MAEL: variants seen among roughly 807,000 people sequenced by gnomAD.
MAEL encodes the protein maelstrom spermatogenic transposon silencer.
MAEL carries 46 observed loss-of-function variants against 62.0 expected under a neutral mutation model. That is an observed-to-expected ratio of 0.74 (90% CI 0.59 to 0.95). MAEL has a LOEUF of 0.95. Among genes scored for constraint, MAEL ranks in the 40% least tolerant of loss-of-function variants. The pLI, the probability that MAEL is intolerant of heterozygous loss-of-function variation, is 0.00. For synonymous variants in MAEL, 172 were observed against 175.5 expected, an observed-to-expected ratio of 0.98 and a Z score of 0.16; for missense variants, 497 against 526.8, an observed-to-expected ratio of 0.94 and a Z score of 0.55.
At chr1:166,978,694 T>A (rs1663669784) in intron 1 of MAEL, among the ~76,000 whole-genome samples, 1 of 152,174 alleles carries the variant, frequency 6.6e-6, no homozygotes, top group Non-Finnish European at 1.5e-5. Flanking sequence ...ATCTTTTTGT[T>A]CTCCTGAGAA....
rs766763598 is a variant in MAEL at position 167,005,059 on chromosome 1, T to C, written c.649-17T>C. Reference sequence around the variant, plus strand: ...AGTAGTTTTTTTGTTTTGTTTTTTGTTTTTTGCTTTCTCCAGTCTGATGAT... The same window carrying C: ...AGTAGTTTTTTTGTTTTGTTTTTTGCTTTTTGCTTTCTCCAGTCTGATGAT... On this transcript the variant is annotated splice_polypyrimidine_tract_variant and intron_variant, in intron 6 of 11. Transcript: ENST00000367872. 1 of 1,611,658 alleles carries C rather than the reference T, an allele frequency of 6.2e-7. No individual in the cohort carries two copies. Among genetic ancestry groups the C allele is most frequent in the Non-Finnish European group, 8.5e-7 (1 of 1,178,776 alleles).
upstream of MAEL, among the ~76,000 whole-genome samples, chr1:166,988,418 T>C (rs1663999612): frequency 2.0e-5 from 3 of 151,452 alleles, no homozygotes; most frequent in South Asian, 4.2e-4. Flanking sequence ...ATCCAGAAAT[T>C]TAGCAAATTT....
intron 2 of MAEL, 87 bp from the exon 3 acceptor site, chr1:166,991,290 GT>G (rs1313726753): frequency 1.1e-5 from 9 of 793,600 alleles, no homozygotes; most frequent in Non-Finnish European, 1.8e-5. Flanking sequence ...TCTATAGGCT[GT>G]TTTGCAGTTA....
intron 8 of MAEL, among the ~76,000 whole-genome samples, chr1:167,013,334 C>T (rs1361918483): frequency 6.6e-6 from 1 of 152,158 alleles, no homozygotes; most frequent in Non-Finnish European, 1.5e-5. Flanking sequence ...CGGCACAAGC[C>T]CTGACGAGCT....
At chr1:166,989,635 A>G in intron 1 of MAEL, 102 bp from the exon 2 acceptor site, 1 of 1,456,352 alleles carries the variant, frequency 6.9e-7, no homozygotes, top group Non-Finnish European at 9.3e-7. Context: ...GCAAACCGAC[A>G]CCAGAACCAC....
chr1:166,987,639 C>T (rs1663965844), upstream of MAEL, among the ~76,000 whole-genome samples: 1 of 152,174 alleles, frequency 6.6e-6, no homozygotes, highest in Non-Finnish European at 1.5e-5. Flanking sequence ...TATACCAATA[C>T]ACTAGAAAAA....
At position 167,017,832 on chromosome 1, in the gene MAEL, G is replaced by A; in HGVS notation, c.914G>A (p.Cys305Tyr). 6.2e-7 allele frequency: 1 copy of A among 1,609,990 alleles called. No individual in the cohort carries two copies. Among genetic ancestry groups the A allele is most frequent in the Non-Finnish European group, 8.5e-7 (1 of 1,177,640 alleles). ...ALAVCKKIAYCISNSLATLFG... is the reference protein window; with the variant it reads ...ALAVCKKIAYYISNSLATLFG... Reference sequence around the variant, plus strand: ...GATTTTTATTTCTTTTAAAGGTACTGCATCAGTAATTCTCTGGCCACTCTC... The same window carrying A: ...GATTTTTATTTCTTTTAAAGGTACTACATCAGTAATTCTCTGGCCACTCTC... The change falls in exon 10 of 12, where the codon TGC becomes TAC. Residue 305 changes from cysteine (C) to tyrosine (Y), a missense_variant. Cys to Tyr is a radical substitution (Grantham distance 194, BLOSUM62 -2). Coordinates refer to ENST00000367872, the MANE Select transcript of MAEL (RefSeq NM_032858.3).
intron 5 of MAEL, among the ~76,000 whole-genome samples, chr1:167,001,714 A>T (rs1316544415): frequency 6.6e-6 from 1 of 152,188 alleles, no homozygotes; most frequent in Admixed American, 6.5e-5. Flanking sequence ...GGCTAGGGAG[A>T]TAGCAGTTGC....
intron 5 of MAEL, 21 bp from the exon 6 acceptor site, chr1:167,004,159 T>A (rs1020836450): frequency 4.4e-6 from 7 of 1,596,442 alleles, no homozygotes; most frequent in African/African-American, 2.7e-5. Flanking sequence ...AGTTTGAACT[T>A]CTCCTTTTTA....
intron 4 of MAEL, 53 bp downstream of exon 4, chr1:166,992,894 A>G: frequency 7.7e-7 from 1 of 1,296,192 alleles, no homozygotes; most frequent in Non-Finnish European, 1.0e-6. Context: ...TTTTTTTTTT[A>G]AATCTTGACT....
chr1:167,011,819 G>A (rs990783448), intron 8 of MAEL, among the ~76,000 whole-genome samples: 23 of 152,146 alleles, frequency 1.5e-4, no homozygotes, highest in African/African-American at 5.3e-4. Context: ...ACCTTCAATT[G>A]TAAGATGCAT....
intron 1 of MAEL, among the ~76,000 whole-genome samples, chr1:166,979,456 T>C (rs1025288125): frequency 5.3e-5 from 8 of 152,270 alleles, no homozygotes; most frequent in African/African-American, 1.7e-4. Context: ...CACCGTATAC[T>C]GAAAACCAAA....
At chr1:167,007,488 G>A (rs1389319221) in intron 8 of MAEL, among the ~76,000 whole-genome samples, 1 of 151,896 alleles carries the variant, frequency 6.6e-6, no homozygotes, top group Non-Finnish European at 1.5e-5. Flanking sequence ...TGGGTGGTAG[G>A]TGTGCTCATT....
intron 8 of MAEL, among the ~76,000 whole-genome samples, chr1:167,010,494 G>A (rs753383050): frequency 4.0e-5 from 6 of 151,692 alleles, no homozygotes; most frequent in East Asian, 1.9e-4. Flanking sequence ...CACCCCAGCC[G>A]GAATACAGTG....
In MAEL at chr1:166,991,410, C is replaced by A. The variant is rs773312622; in HGVS notation, c.258C>A (p.Gly86=). Residue 86 remains glycine, a synonymous_variant, in exon 3 of 12, where the codon GGC becomes GGA. Transcript: ENST00000367872. Reference sequence around the variant, plus strand: ...TTTTCACACCACTGAGGAGGCCAGGCATGCTTGTACCAAAGCAGAATGTTT... The same window carrying A: ...TTTTCACACCACTGAGGAGGCCAGGAATGCTTGTACCAAAGCAGAATGTTT... ...KPVFTPLRRP[G]MLVPKQNVSP... is the part of the protein sequence containing the mutation. 3 of 1,613,110 alleles carry A rather than the reference C, an allele frequency of 1.9e-6. No individual in the cohort carries two copies. The highest frequency in any genetic ancestry group is 2.2e-5 in the South Asian group (2 of 91,040).
intron 8 of MAEL, among the ~76,000 whole-genome samples, chr1:167,014,059 G>C (rs977882481): frequency 6.6e-6 from 1 of 152,174 alleles, no homozygotes; most frequent in Non-Finnish European, 1.5e-5. Flanking sequence ...CTAGCCTCTT[G>C]AGCACTGAAG....
At position 166,989,523 on chromosome 1, in the gene MAEL, T is replaced by C. The variant is rs376984898; in HGVS notation, c.132+39T>C. The C allele has an allele frequency of 4.2e-5, 66 of 1,570,386 alleles. 1 individual carries two copies. The highest frequency in any genetic ancestry group is 1.3e-5 in the African/African-American group (1 of 74,360). Reference sequence around the variant, plus strand: ...GGAGTGAGAGGGCTGGGCAGGGCAGTTGGGCAAGCCGGAGGGTGAGGCGGG... The same window carrying C: ...GGAGTGAGAGGGCTGGGCAGGGCAGCTGGGCAAGCCGGAGGGTGAGGCGGG... On this transcript the variant is annotated intron_variant, in intron 1 of 11. Coordinates refer to ENST00000367872, the MANE Select transcript of MAEL (RefSeq NM_032858.3).
chr1:166,989,197 T>TC (rs531300048), upstream of MAEL: 10 of 996,908 alleles, frequency 1.0e-5, no homozygotes, highest in Admixed American at 2.8e-5. Flanking sequence ...GGCTGTTTGT[T>TC]CCCCCGCGGG....
At position 167,014,266 on chromosome 1, in the gene MAEL, C is replaced by G. The variant is rs1665287445; in HGVS notation, c.846-1956C>G. On this transcript the variant is annotated intron_variant, in intron 8 of 11. Transcript: ENST00000367872. ...TTTGTGCAGGTGTTTAATTCACCAT[C>G]TTGAACCAGAAACCCCAGCAATAGT... Among the ~76,000 whole-genome samples, 4 of 152,328 alleles carry G rather than the reference C, an allele frequency of 2.6e-5. No individual in the cohort carries two copies. The South Asian group carries it at 8.3e-4, about 32-fold the overall frequency.
Sources: gnomAD v4.1 joint callset for allele counts (sites outside exome capture counted in the v4.1 genomes callset) on GRCh38, gnomAD v4.1.1 for gene constraint, MANE v1.5 for transcripts, NCBI Gene and HGNC (gene_info 2026-07-23, HGNC 2026-07-21) for gene names.